MAPK14: variants seen among roughly 807,000 people sequenced by gnomAD.
MAPK14 encodes CSAID-binding protein.
MAPK14 carries 16 observed loss-of-function variants against 49.6 expected under a neutral mutation model. The ratio of observed to expected loss-of-function variants is 0.32; its 90% confidence interval spans 0.22 to 0.49. The LOEUF is 0.49. Ranked by LOEUF, MAPK14 falls within the 20% of genes least tolerant of loss-of-function variation. MAPK14 has a pLI of 0.99. For synonymous variants in MAPK14, 142 were observed against 158.0 expected (o/e 0.90, Z 0.76); for missense variants, 200 against 441.2 (o/e 0.45, Z 4.90).
At chr6:36,111,284 A>G (rs1562160237), downstream of MAPK14, 1 of 152,264 alleles carries the variant, frequency 6.6e-6, no homozygotes, top group Admixed American at 6.5e-5. Flanking sequence ...TTTGTGCTAC[A>G]GTGACAGAGG....
At chr6:36,094,415 G>A (rs950048845) in intron 8 of MAPK14, among the ~76,000 whole-genome samples, 1 of 152,168 alleles carries the variant, frequency 6.6e-6, no homozygotes, top group Non-Finnish European at 1.5e-5. Flanking sequence ...GAATGGGCAT[G>A]GCTGTGTTCT....
rs1011582706 is a variant in MAPK14, at chr6:36,110,730, G to C, written c.*2283G>C. On this transcript the variant is annotated 3_prime_UTR_variant, in exon 12 of 12. Coordinates refer to ENST00000229794, the MANE Select transcript of MAPK14 (RefSeq NM_139012.3). ...GTATAGGATGTCAGACAATACCACTGGTTAAAATAAAGCCTATTTTTCAAA... is the reference window on the plus strand; with the variant it reads ...GTATAGGATGTCAGACAATACCACTCGTTAAAATAAAGCCTATTTTTCAAA... 2.0e-5 allele frequency: 3 copies of C among 152,164 alleles called. No homozygotes were observed. Among genetic ancestry groups the C allele is most frequent in the Admixed American group, 6.5e-5 (1 of 15,280 alleles). The allele number at this position is 152,164 out of a possible 1,614,324, so 9.4% of individuals were successfully genotyped here.
intron 1 of MAPK14, among the ~76,000 whole-genome samples, chr6:36,043,308 TC>T (rs1468519205): frequency 6.6e-6 from 1 of 152,150 alleles, no homozygotes; most frequent in Non-Finnish European, 1.5e-5. Flanking sequence ...CAATCTTAAA[TC>T]TCCTGCTACT....
At chr6:36,092,713 G>T in intron 8 of MAPK14, 1 of 295,370 alleles carries the variant, frequency 3.4e-6, no homozygotes, top group Admixed American at 4.5e-5. Flanking sequence ...GGGTGACAAA[G>T]GGAAGAGGAC....
At chr6:36,111,400 A>G (rs1310897112), downstream of MAPK14, among the ~76,000 whole-genome samples, 3 of 152,180 alleles carry the variant, frequency 2.0e-5, no homozygotes, top group African/African-American at 7.2e-5. Flanking sequence ...CAGTTTTCTC[A>G]TCTATAAAGT....
At chr6:36,093,720 C>CAAAAAAAAA (rs11343231) in intron 8 of MAPK14, among the ~76,000 whole-genome samples, 4 of 83,116 alleles carry the variant, frequency 4.8e-5, no homozygotes, top group Non-Finnish European at 9.0e-5. Flanking sequence ...GACTCCGTCT[C>CAAAAAAAAA]AAAAAAAAAA....
intron 9 of MAPK14, chr6:36,098,199 A>G (rs1244442103): frequency 6.6e-6 from 1 of 152,244 alleles, no homozygotes; most frequent in Non-Finnish European, 1.5e-5. Flanking sequence ...AGTGATGGCA[A>G]TAATTATGAA....
intron 9 of MAPK14, chr6:36,096,720 C>T (rs1765457076): frequency 6.6e-6 from 1 of 152,184 alleles, no homozygotes; most frequent in Admixed American, 6.5e-5. Flanking sequence ...ATAAATTTTC[C>T]TCCTATTGCC....
chr6:36,089,180 T>TA, intron 8 of MAPK14, among the ~76,000 whole-genome samples: 1 of 152,090 alleles, frequency 6.6e-6, no homozygotes, highest in African/African-American at 2.4e-5. Flanking sequence ...ATGGACTGGA[T>TA]AAAAAAACAT....
chr6:36,067,046 T>TA (rs1764088338), intron 3 of MAPK14, among the ~76,000 whole-genome samples: 1 of 152,146 alleles, frequency 6.6e-6, no homozygotes, highest in Admixed American at 6.6e-5. Flanking sequence ...ATTTTTTTTT[T>TA]ATCAGAGAGG....
At chr6:36,121,144 G>A in the MAPK14 span, among the ~76,000 whole-genome samples, 36 of 152,064 alleles carry the variant, frequency 2.4e-4, no homozygotes, top group Admixed American at 2.4e-3. Flanking sequence ...CAGGGATGAG[G>A]AAGGCACGCT....
chr6:36,060,630 A>G (rs1012070101), intron 3 of MAPK14, among the ~76,000 whole-genome samples: 1 of 152,146 alleles, frequency 6.6e-6, no homozygotes, highest in Non-Finnish European at 1.5e-5. Flanking sequence ...AGTTTCTCCC[A>G]TTCTTATCCT....
In MAPK14 at chr6:36,027,852, A is replaced by T. The variant is rs1416904741; in HGVS notation, c.-306A>T. On this transcript the variant is annotated 5_prime_UTR_variant, in exon 1 of 12. Coordinates refer to ENST00000229794, the MANE Select transcript of MAPK14 (RefSeq NM_139012.3). Reference sequence around the variant, plus strand: ...CAGCAGCTGGAACGGGAGTACTGCGACGCAGCCCGGAGTCGGCCTTGTAGG... The same window carrying T: ...CAGCAGCTGGAACGGGAGTACTGCGTCGCAGCCCGGAGTCGGCCTTGTAGG... 7.5e-6 allele frequency: 3 copies of T among 402,318 alleles called. No individual in the cohort carries two copies. The highest frequency in any genetic ancestry group is 1.3e-5 in the Non-Finnish European group (3 of 228,902). 24.9% of individuals were successfully genotyped at this position (402,318 alleles called of 1,614,324 possible).
Position 36,045,830 on chromosome 6 carries a change from A to AG in MAPK14, c.117-6869_117-6868insG, listed in dbSNP as rs1228061357. The stretch of plus-strand genomic sequence containing the variant: ...TCTCAAAAAAAAAAAAAAAAAAAAA[A>AG]AAAGAAAGAAAGGACCTCATGATAT... On this transcript the variant is annotated intron_variant, in intron 1 of 11. Coordinates refer to ENST00000229794, the MANE Select transcript of MAPK14 (RefSeq NM_139012.3). 1.0e-3 allele frequency among the ~76,000 whole-genome samples: 154 copies of AG among 149,414 alleles called. No homozygotes were observed. In the South Asian group the frequency reaches 0.014, roughly 14 times the overall value.
intron 8 of MAPK14, among the ~76,000 whole-genome samples, chr6:36,079,515 A>AT (rs1764663723): frequency 1.3e-5 from 2 of 152,202 alleles, no homozygotes; most frequent in Admixed American, 1.3e-4. Context: ...TGCAAAAAAA[A>AT]AATCTCGTAA....
chr6:36,074,136 G>T, intron 6 of MAPK14, 40 bp downstream of exon 6: 5 of 1,547,022 alleles, frequency 3.2e-6, no homozygotes, highest in Non-Finnish European at 4.5e-6. Flanking sequence ...GCTTTACTTT[G>T]AGATTATATG....
the MAPK14 span, among the ~76,000 whole-genome samples, chr6:36,122,544 A>T: frequency 6.6e-6 from 1 of 152,118 alleles, no homozygotes; most frequent in Admixed American, 6.5e-5. Flanking sequence ...GTGATGAACA[A>T]AATAGACAAA....
chr6:36,036,239 G>A (rs547727654), intron 1 of MAPK14, among the ~76,000 whole-genome samples: 110 of 115,738 alleles, frequency 9.5e-4, no homozygotes, highest in African/African-American at 3.4e-3. Flanking sequence ...CTGGGCGATA[G>A]AGCAAGAGTA....
chr6:36,092,570 T>C, intron 8 of MAPK14: 1 of 475,322 alleles, frequency 2.1e-6, no homozygotes, highest in Non-Finnish European at 4.1e-6. Context: ...GTTTGACCCA[T>C]TTTCCTTCTG....
Sources: allele counts gnomAD v4.1 joint callset (sites outside exome capture counted in the v4.1 genomes callset), GRCh38; gene constraint gnomAD v4.1.1; transcripts MANE v1.5; gene names NCBI Gene and HGNC (gene_info 2026-07-23, HGNC 2026-07-21).